Variants in HFM1 observed in about 807,000 individuals in gnomAD.
HFM1 encodes helicase for meiosis 1.
Under a neutral mutation model 192.1 loss-of-function variants are expected in HFM1, and 169 were observed. That is an observed-to-expected ratio of 0.88 (90% CI 0.78 to 1.00). The LOEUF (loss-of-function observed/expected upper bound fraction) is 1.00. Ranked by LOEUF, HFM1 falls within the 50% of genes least tolerant of loss-of-function variation. HFM1 has a pLI of 0.00. For synonymous variants in HFM1, 525 were observed against 537.8 expected, an observed-to-expected ratio of 0.98 and a Z score of 0.33; for missense variants, 1,661 against 1,668.0, an observed-to-expected ratio of 1.00 and a Z score of 0.07.
At chr1:91,353,711 A>G (rs543268487) in intron 13 of HFM1, among the ~76,000 whole-genome samples, 1 of 151,046 alleles carries the variant, frequency 6.6e-6, no homozygotes, top group East Asian at 1.9e-4. Context: ...GCTCTGAGAC[A>G]TGGCATTTAA....
At chr1:91,314,920 C>T (rs2101160127) in intron 28 of HFM1, among the ~76,000 whole-genome samples, 1 of 152,266 alleles carries the variant, frequency 6.6e-6, no homozygotes, top group South Asian at 2.1e-4. Flanking sequence ...ACTGCAGTCC[C>T]TTCAGAAACC....
At chr1:91,307,017 C>T (rs961620596) in intron 30 of HFM1, among the ~76,000 whole-genome samples, 1 of 152,030 alleles carries the variant, frequency 6.6e-6, no homozygotes, top group East Asian at 1.9e-4. Flanking sequence ...TCTTCAGTAA[C>T]TTTTTGATAT....
rs17131427 is a variant in HFM1, at chr1:91,400,881, G to C, written c.71+131C>G. The C allele has an allele frequency of 7.5e-3, 3,885 of 518,456 alleles. 76 individuals are homozygous for C. Among genetic ancestry groups the C allele is most frequent in the African/African-American group, 0.049 (2,399 of 49,382 alleles). The allele number at this position is 518,456 out of a possible 1,614,324, so 32.1% of individuals were successfully genotyped here. ...AGAGAATTCCATGTTTACCAAATAT[G>C]TAACTGAAATATCGTTCTGTTGATT... On this transcript the variant is annotated intron_variant, in intron 2 of 38. Coordinates refer to ENST00000370425, the MANE Select transcript of HFM1 (RefSeq NM_001017975.6).
chr1:91,404,937 A>T, upstream of HFM1: 1 of 451,094 alleles, frequency 2.2e-6, no homozygotes, highest in Non-Finnish European at 4.5e-6. Flanking sequence ...TTTTCTCCGA[A>T]AGTTTATAAC....
intron 30 of HFM1, among the ~76,000 whole-genome samples, chr1:91,308,218 TTTAA>T (rs1649924986): frequency 6.6e-6 from 1 of 152,322 alleles, no homozygotes; most frequent in African/African-American, 2.4e-5. Context: ...CTTCTGGGAC[TTTAA>T]TTATGCATAT....
intron 20 of HFM1, chr1:91,329,212 C>T (rs1653431947): frequency 1.2e-6 from 2 of 1,609,420 alleles, no homozygotes; most frequent in Admixed American, 3.3e-5. Context: ...CACAAGGAGG[C>T]TTACCAGCTC....
intron 4 of HFM1, among the ~76,000 whole-genome samples, chr1:91,390,404 C>G (rs867431035): frequency 7.4e-6 from 1 of 136,020 alleles, no homozygotes; most frequent in South Asian, 2.3e-4. Context: ...CCACTGCACT[C>G]AAGCCTGGGT....
In HFM1 at chr1:91,394,083, T is replaced by A. The variant is rs1358725879; in HGVS notation, c.494+10A>T. On this transcript the variant is annotated intron_variant, in intron 4 of 38. Coordinates refer to ENST00000370425, the MANE Select transcript of HFM1 (RefSeq NM_001017975.6). ...CACAGAATATTATTTAGTTTAATTA[T>A]AATAATTACCTTTTCCGGAATACTG... The A allele has an allele frequency of 1.5e-5, 21 of 1,382,906 alleles. No homozygotes were observed. Among genetic ancestry groups the A allele is most frequent in the Non-Finnish European group, 2.1e-5 (21 of 1,004,604 alleles). 85.7% of individuals were successfully genotyped at this position (1,382,906 alleles called of 1,614,324 possible).
chr1:91,367,617 C>A (rs1260111665), intron 13 of HFM1, among the ~76,000 whole-genome samples: 1 of 152,116 alleles, frequency 6.6e-6, no homozygotes, highest in Non-Finnish European at 1.5e-5. Flanking sequence ...TCACCATCAT[C>A]AAAGACCAAA....
At chr1:91,342,247 TGAGA>T (rs1014885505) in intron 20 of HFM1, among the ~76,000 whole-genome samples, 1 of 149,564 alleles carries the variant, frequency 6.7e-6, no homozygotes, top group South Asian at 2.1e-4. Context: ...TAATCCACCG[TGAGA>T]GAGAGAGAAA....
chr1:91,329,690 A>G (rs1369806584), intron 20 of HFM1, among the ~76,000 whole-genome samples: 2 of 152,208 alleles, frequency 1.3e-5, no homozygotes, highest in Non-Finnish European at 2.9e-5. Context: ...AATGGCAAGA[A>G]GGCCACAGAG....
intron 33 of HFM1, 89 bp downstream of exon 33, chr1:91,274,641 G>A: frequency 1.6e-6 from 1 of 608,360 alleles, no homozygotes; most frequent in Non-Finnish European, 2.9e-6. Flanking sequence ...ATGGTAGCCA[G>A]TGACTATCTT....
At chr1:91,304,356 T>C (rs983388699) in intron 30 of HFM1, among the ~76,000 whole-genome samples, 1 of 152,224 alleles carries the variant, frequency 6.6e-6, no homozygotes, top group Non-Finnish European at 1.5e-5. Context: ...ATCTATTTTT[T>C]CTTTGGTTAC....
intron 20 of HFM1, chr1:91,329,354 G>C: frequency 6.2e-7 from 1 of 1,600,934 alleles, no homozygotes; most frequent in Non-Finnish European, 8.5e-7. Flanking sequence ...GTGGGGTCAA[G>C]AGGCTGAGTA....
intron 32 of HFM1, 105 bp from the exon 33 acceptor site, chr1:91,274,914 C>A: frequency 1.9e-6 from 1 of 521,656 alleles, no homozygotes; most frequent in South Asian, 3.1e-5. Flanking sequence ...GTCCCCAAAT[C>A]AATGAATTAG....
At chr1:91,381,413 T>C (rs1365319624) in intron 6 of HFM1, among the ~76,000 whole-genome samples, 3 of 152,326 alleles carry the variant, frequency 2.0e-5, no homozygotes, top group South Asian at 2.1e-4. Flanking sequence ...TTGTACTTCA[T>C]TAGCTGATGT....
chr1:91,376,382 A>G (rs1023099246), intron 11 of HFM1, among the ~76,000 whole-genome samples: 6 of 152,026 alleles, frequency 3.9e-5, no homozygotes, highest in Non-Finnish European at 8.8e-5. Context: ...AGTAGGGATA[A>G]GATCACATAA....
In HFM1 at chr1:91,316,453, C is replaced by T. The variant is rs368172224; in HGVS notation, c.2836G>A (p.Val946Ile). Residue 946 changes from valine to isoleucine, a missense_variant, in exon 26 of 39, where the codon GTA (valine) becomes ATA (isoleucine). By Grantham distance (29) the Val-to-Ile change is conservative. Transcript: ENST00000370425. ...TTAAAGGAAGTCAAACCAGCATTTACGATTGCATTTGACAATGTTATACCT... is the reference window on the plus strand; with the variant it reads ...TTAAAGGAAGTCAAACCAGCATTTATGATTGCATTTGACAATGTTATACCT... ...KIGITLSNAI[V>I]NAGLTSFKKI... The T allele has an allele frequency of 3.1e-5, 49 of 1,569,248 alleles. No individual in the cohort carries two copies. The highest frequency in any genetic ancestry group is 2.1e-4 in the South Asian group (18 of 84,628).
intron 2 of HFM1, among the ~76,000 whole-genome samples, chr1:91,399,991 T>G (rs1157841451): frequency 6.6e-6 from 1 of 152,228 alleles, no homozygotes; most frequent in African/African-American, 2.4e-5. Context: ...GTCCTATTAC[T>G]TATTAATGTC....
Sources: gnomAD v4.1 joint callset for allele counts (sites outside exome capture counted in the v4.1 genomes callset) on GRCh38, gnomAD v4.1.1 for gene constraint, MANE v1.5 for transcripts, NCBI Gene and HGNC (gene_info 2026-07-23, HGNC 2026-07-21) for gene names.